Variants in RETREG1 observed in about 807,000 individuals in gnomAD.
RETREG1 encodes the protein reticulophagy regulator 1.
A neutral mutation model predicts 54.8 loss-of-function variants in RETREG1; 44 were observed. The observed-to-expected ratio is 0.80, with a 90% CI of 0.63 to 1.03. The LOEUF (loss-of-function observed/expected upper bound fraction) is 1.03, where lower values mean the gene tolerates loss of function less well. RETREG1 is among the 50% of genes least tolerant of loss of function. RETREG1 has a pLI of 0.00. For synonymous variants in RETREG1, 217 were observed against 238.5 expected, an observed-to-expected ratio of 0.91 and a Z score of 0.83; for missense variants, 554 against 605.1, an observed-to-expected ratio of 0.92 and a Z score of 0.89.
In RETREG1 at chr5:16,492,964, C is replaced by T. The variant is rs1003332378; in HGVS notation, c.459-9492G>A. On this transcript the variant is annotated intron_variant, in intron 3 of 8. Coordinates refer to ENST00000306320, the MANE Select transcript of RETREG1 (RefSeq NM_001034850.3). ...TTCTCAGGCCAATTAGCCACGTGAG[C>T]GACTCCTCCCAAGGCCAGGGACCAG... Among the ~76,000 whole-genome samples, 36 of 152,158 alleles carry T rather than the reference C, an allele frequency of 2.4e-4. 1 individual carries two copies. The highest frequency in any genetic ancestry group is 2.1e-4 in the South Asian group (1 of 4,822).
At chr5:16,526,609 C>T (rs950422714) in intron 3 of RETREG1, among the ~76,000 whole-genome samples, 32 of 152,312 alleles carry the variant, frequency 2.1e-4, no homozygotes, top group African/African-American at 7.7e-4. Flanking sequence ...GGAGATGAGT[C>T]AGGCCCAAGG....
chr5:16,504,477 C>T (rs544439765), intron 3 of RETREG1, among the ~76,000 whole-genome samples: 1 of 152,278 alleles, frequency 6.6e-6, no homozygotes, highest in South Asian at 2.1e-4. Context: ...GATTCCATGA[C>T]ATTCACCATC....
intron 3 of RETREG1, among the ~76,000 whole-genome samples, chr5:16,489,296 T>C (rs1579596149): frequency 6.6e-6 from 1 of 152,128 alleles, no homozygotes; most frequent in East Asian, 1.9e-4. Context: ...TTAAAAAATA[T>C]AGTTATCAAA....
intron 3 of RETREG1, among the ~76,000 whole-genome samples, chr5:16,494,127 A>G (rs1490684769): frequency 1.3e-5 from 2 of 152,248 alleles, no homozygotes; most frequent in Non-Finnish European, 2.9e-5. Flanking sequence ...TAAGAGAATC[A>G]GACCCTTATC....
intron 1 of RETREG1, among the ~76,000 whole-genome samples, chr5:16,612,173 AG>A (rs879347216): frequency 2.6e-5 from 4 of 152,116 alleles, no homozygotes; most frequent in Non-Finnish European, 1.5e-5. Context: ...ATCAGTCCCC[AG>A]GGGTGGGTGC....
rs1400004660 is a variant in RETREG1 at position 16,510,633 on chromosome 5, T to C, written c.459-27161A>G. ...AGTGAAACCCTGTCTCTACTAAAAA[T>C]ACAAAAATTAGCCGAGCGTGGTGAC... On this transcript the variant is annotated intron_variant, in intron 3 of 8. Coordinates refer to ENST00000306320, the MANE Select transcript of RETREG1 (RefSeq NM_001034850.3). Among the ~76,000 whole-genome samples the C allele has an allele frequency of 2.6e-5, 4 of 151,660 alleles. No homozygotes were observed. In the East Asian group the frequency reaches 7.8e-4, roughly 29 times the overall value.
At chr5:16,487,684 C>T (rs1357809569) in intron 3 of RETREG1, among the ~76,000 whole-genome samples, 1 of 152,210 alleles carries the variant, frequency 6.6e-6, no homozygotes, top group Non-Finnish European at 1.5e-5. Flanking sequence ...TCCAATCAAG[C>T]AATTCTTTAT....
rs201124420 is a variant in RETREG1 at position 16,613,424 on chromosome 5, C to CT, written c.320+3227_320+3228insA. Among the ~76,000 whole-genome samples the CT allele has an allele frequency of 9.7e-3, 1,479 of 152,260 alleles. 29 individuals carry two copies. The highest frequency in any genetic ancestry group is 0.034 in the African/African-American group (1,408 of 41,532). ...ACAATCTCTTCCATCCACAATACCA[C>CT]GTTCCCCAAAACCATATCAAAATGA... On this transcript the variant is annotated intron_variant, in intron 1 of 8. Coordinates refer to ENST00000306320, the MANE Select transcript of RETREG1 (RefSeq NM_001034850.3).
intron 2 of RETREG1, among the ~76,000 whole-genome samples, chr5:16,567,336 G>A (rs538701782): frequency 6.6e-6 from 1 of 152,324 alleles, no homozygotes; most frequent in South Asian, 2.1e-4. Flanking sequence ...GAGACACTGT[G>A]CTTCCAAAGG....
chr5:16,549,645 T>A (rs1269818462), intron 3 of RETREG1, among the ~76,000 whole-genome samples: 1 of 152,202 alleles, frequency 6.6e-6, no homozygotes, highest in Non-Finnish European at 1.5e-5. Flanking sequence ...GGAAGCAAGA[T>A]TATTTCATCC....
chr5:16,573,744 T>TTG (rs1742251916), intron 1 of RETREG1, among the ~76,000 whole-genome samples: 3 of 135,406 alleles, frequency 2.2e-5, no homozygotes, highest in Admixed American at 7.2e-5. Context: ...TGTTTTTTGT[T>TTG]TTTTTTTTTT....
At chr5:16,500,484 T>C (rs1189146154) in intron 3 of RETREG1, among the ~76,000 whole-genome samples, 2 of 151,766 alleles carry the variant, frequency 1.3e-5, no homozygotes, top group Non-Finnish European at 2.9e-5. Flanking sequence ...CATACAGGAG[T>C]GCATTCCAGA....
intron 1 of RETREG1, among the ~76,000 whole-genome samples, chr5:16,580,427 G>T (rs549281014): frequency 2.5e-4 from 38 of 152,358 alleles, no homozygotes; most frequent in Middle Eastern, 6.8e-3. Flanking sequence ...TATAAGTGCA[G>T]ATTTGCTTGA....
At chr5:16,536,396 G>A (rs1393529793) in intron 3 of RETREG1, among the ~76,000 whole-genome samples, 1 of 152,162 alleles carries the variant, frequency 6.6e-6, no homozygotes, top group African/African-American at 2.4e-5. Context: ...CTTTACGTCT[G>A]TGAATATGAG....
chr5:16,509,193 T>A lies in RETREG1; in HGVS notation c.459-25721A>T, dbSNP rs373781369. On this transcript the variant is annotated intron_variant, in intron 3 of 8. Coordinates refer to ENST00000306320, the MANE Select transcript of RETREG1 (RefSeq NM_001034850.3). Reference sequence around the variant, plus strand: ...GCAAAACAGGCTGTACCTGTGAGGGTTGGGGGTTTTGTTTGGAGAACGCCT... The same window carrying A: ...GCAAAACAGGCTGTACCTGTGAGGGATGGGGGTTTTGTTTGGAGAACGCCT... 1.8e-4 allele frequency: 38 copies of A among 205,846 alleles called. 1 individual carries two copies. In the South Asian group the frequency reaches 5.7e-3, roughly 31 times the overall value. 12.8% of individuals were successfully genotyped at this position (205,846 alleles called of 1,614,324 possible).
intron 2 of RETREG1, among the ~76,000 whole-genome samples, chr5:16,570,364 C>T (rs530394219): frequency 6.6e-6 from 1 of 152,226 alleles, no homozygotes; most frequent in East Asian, 1.9e-4. Flanking sequence ...TGTGAGGGGC[C>T]AGGAGTGAGA....
intron 1 of RETREG1, among the ~76,000 whole-genome samples, chr5:16,580,633 C>A (rs754599710): frequency 6.6e-6 from 1 of 152,112 alleles, no homozygotes; most frequent in African/African-American, 2.4e-5. Context: ...TAGCCACACA[C>A]AGGCTGTCAG....
intron 3 of RETREG1, among the ~76,000 whole-genome samples, chr5:16,551,563 C>CA (rs1223539997): frequency 1.3e-5 from 2 of 152,118 alleles, no homozygotes; most frequent in African/African-American, 4.8e-5. Flanking sequence ...AAAATGTTAC[C>CA]ACCCCATGTC....
intron 3 of RETREG1, among the ~76,000 whole-genome samples, chr5:16,526,734 A>G (rs1740726700): frequency 6.6e-6 from 1 of 152,218 alleles, no homozygotes; most frequent in Non-Finnish European, 1.5e-5. Flanking sequence ...GAAATATTCA[A>G]TATTTCTAAT....
Sources: gnomAD v4.1 joint callset for allele counts (sites outside exome capture counted in the v4.1 genomes callset) on GRCh38, gnomAD v4.1.1 for gene constraint, MANE v1.5 for transcripts, NCBI Gene and HGNC (gene_info 2026-07-23, HGNC 2026-07-21) for gene names.